DSG2: variants seen among roughly 807,000 people sequenced by gnomAD.
DSG2 encodes desmoglein 2, also known as desmoglein-2.
Under a neutral mutation model 75.6 loss-of-function variants are expected in DSG2, and 45 were observed. The observed-to-expected ratio is 0.60, with a 90% CI of 0.47 to 0.76. DSG2 has a LOEUF of 0.76. Among genes scored for constraint, DSG2 ranks in the 30% least tolerant of loss-of-function variants. The pLI is 0.00. For synonymous variants in DSG2, 429 were observed against 483.9 expected, an observed-to-expected ratio of 0.89 and a Z score of 1.49; for missense variants, 1,267 against 1,357.4, an observed-to-expected ratio of 0.93 and a Z score of 1.05.
intron 13 of DSG2, among the ~76,000 whole-genome samples, chr18:31,541,978 G>A (rs1378311676): frequency 1.4e-5 from 2 of 144,064 alleles, no homozygotes; most frequent in Non-Finnish European, 2.9e-5. Flanking sequence ...CTGTCCTCAT[G>A]TCCTAGTTCT....
At chr18:31,545,533 A>AT (rs1292498270) in intron 14 of DSG2, among the ~76,000 whole-genome samples, 188 bp from the exon 15 acceptor site, 1 of 151,772 alleles carries the variant, frequency 6.6e-6, no homozygotes, top group South Asian at 2.1e-4. Flanking sequence ...CCTGATATTA[A>AT]TTTTTTTTAA....
At chr18:31,510,194 T>C (rs1289416187) in intron 1 of DSG2, among the ~76,000 whole-genome samples, 1 of 152,228 alleles carries the variant, frequency 6.6e-6, no homozygotes, top group African/African-American at 2.4e-5. Context: ...AGATAGTCCG[T>C]TGAGCACACT....
At chr18:31,511,728 T>C (rs2073068186) in intron 1 of DSG2, among the ~76,000 whole-genome samples, 1 of 152,226 alleles carries the variant, frequency 6.6e-6, no homozygotes, top group African/African-American at 2.4e-5. Context: ...CATCAATTCT[T>C]CTGATGTTTT....
At position 31,538,820 on chromosome 18, in the gene DSG2, A is replaced by G. The variant is rs770709620; in HGVS notation, c.1721A>G (p.Asp574Gly). ...GRSEIQFLIS[D>G]NQGFSCPEKQ... The stretch of plus-strand genomic sequence containing the variant: ...AGTGAAATTCAGTTCCTGATTTCAG[A>G]CAATCAGGGTTTTAGTTGTCCTGAA... Residue 574 changes from aspartate to glycine, a missense_variant, in exon 12 of 15, where the codon GAC (aspartate) becomes GGC (glycine). Asp to Gly is a moderately conservative substitution (Grantham distance 94). Transcript: ENST00000261590. 1 of 1,614,224 alleles carries G rather than the reference A, an allele frequency of 6.2e-7. No homozygotes were observed. The highest frequency in any genetic ancestry group is 2.2e-5 in the East Asian group (1 of 44,884).
chr18:31,538,494 T>C (rs964227126), intron 11 of DSG2, among the ~76,000 whole-genome samples: 1 of 152,174 alleles, frequency 6.6e-6, no homozygotes, highest in Non-Finnish European at 1.5e-5. Context: ...AGTTCCTAGC[T>C]TTCCTAGACC....
chr18:31,507,034 C>T (rs955034903), intron 1 of DSG2, among the ~76,000 whole-genome samples: 1 of 152,074 alleles, frequency 6.6e-6, no homozygotes, highest in African/African-American at 2.4e-5. Context: ...CCCATCAACT[C>T]GTCATCTGTA....
At chr18:31,517,543 T>C (rs942037155) in intron 1 of DSG2, among the ~76,000 whole-genome samples, 1 of 152,224 alleles carries the variant, frequency 6.6e-6, no homozygotes, top group Non-Finnish European at 1.5e-5. Context: ...AATTATCACA[T>C]GTATTCCAAA....
At position 31,538,954 on chromosome 18, in the gene DSG2, A is replaced by C; in HGVS notation, c.1855A>C (p.Ile619Leu). The change falls in exon 12 of 15, where the codon ATT becomes CTT. Residue 619 changes from isoleucine (I) to leucine (L), a missense_variant. By Grantham distance (5) the Ile-to-Leu change is conservative. Coordinates refer to ENST00000261590, the MANE Select transcript of DSG2 (RefSeq NM_001943.5). ...GGGACCCGCAGCAATTGCGCTCATGATTTTGGCCTTTCTGCTCCTGCTATG... is the reference window on the plus strand; with the variant it reads ...GGGACCCGCAGCAATTGCGCTCATGCTTTTGGCCTTTCTGCTCCTGCTATG... ...GLGPAAIALM[I>L]LAFLLLLLVP... The C allele has an allele frequency of 6.2e-7, 1 of 1,613,804 alleles. No individual in the cohort carries two copies. Among genetic ancestry groups the C allele is most frequent in the South Asian group, 1.1e-5 (1 of 91,080 alleles).
chr18:31,538,092 G>A (rs769470890), intron 11 of DSG2, among the ~76,000 whole-genome samples: 19 of 151,294 alleles, frequency 1.3e-4, no homozygotes, highest in Non-Finnish European at 2.4e-4. Context: ...AACTTACCTT[G>A]AAATAGTTAA....
At chr18:31,520,031 A>G in intron 3 of DSG2, 94 bp downstream of exon 3, 1 of 1,490,420 alleles carries the variant, frequency 6.7e-7, no homozygotes, top group Non-Finnish European at 9.3e-7. Context: ...AGGAAAATGT[A>G]TGATGTGCTT....
chr18:31,530,324 G>A (rs2073187190), intron 8 of DSG2, among the ~76,000 whole-genome samples: 1 of 151,954 alleles, frequency 6.6e-6, no homozygotes, highest in Non-Finnish European at 1.5e-5. Context: ...CACATTTTAA[G>A]GAATACTGAT....
chr18:31,543,864 TAAAA>T (rs576034927), intron 14 of DSG2, among the ~76,000 whole-genome samples: 1 of 94,854 alleles, frequency 1.1e-5, no homozygotes, highest in Admixed American at 1.1e-4. Context: ...AAACTCTGTC[TAAAA>T]AAAAAAAAAA....
chr18:31,526,133 G>A (rs190595668), intron 8 of DSG2, among the ~76,000 whole-genome samples: 326 of 152,278 alleles, frequency 2.1e-3, no homozygotes, highest in Non-Finnish European at 3.5e-3. Context: ...AATAGAGTGA[G>A]ATTCCGTCTC....
At chr18:31,511,638 T>C (rs1300516920) in intron 1 of DSG2, among the ~76,000 whole-genome samples, 2 of 152,226 alleles carry the variant, frequency 1.3e-5, no homozygotes, top group African/African-American at 4.8e-5. Context: ...AAAAGCATGC[T>C]ACTGCAATAC....
At chr18:31,510,408 C>A (rs1344013898) in intron 1 of DSG2, among the ~76,000 whole-genome samples, 1 of 152,196 alleles carries the variant, frequency 6.6e-6, no homozygotes, top group East Asian at 1.9e-4. Context: ...AAAGGAAAGA[C>A]TTCTGACAGA....
chr18:31,523,328 G>C (rs1426348820), intron 6 of DSG2, among the ~76,000 whole-genome samples: 3 of 152,100 alleles, frequency 2.0e-5, no homozygotes, highest in Non-Finnish European at 4.4e-5. Context: ...GTGAACCCAG[G>C]GGACAGAGCT....
intron 1 of DSG2, among the ~76,000 whole-genome samples, chr18:31,506,939 T>A (rs1195137236): frequency 1.3e-5 from 2 of 152,154 alleles, no homozygotes; most frequent in Non-Finnish European, 2.9e-5. Flanking sequence ...TCTTTTTTTT[T>A]AATTATACTT....
In DSG2 at chr18:31,515,089, G is replaced by C. The variant is rs527273311; in HGVS notation, c.46-3150G>C. Among the ~76,000 whole-genome samples, 122 of 152,226 alleles carry C rather than the reference G, an allele frequency of 8.0e-4. 1 individual carries two copies. The highest frequency in any genetic ancestry group is 2.7e-3 in the African/African-American group (112 of 41,542). ...GTCTGATGGTTAGAAGGATGGGCAAGAAATATATTAAATTTTTTTGTTTGT... is the reference window on the plus strand; with the variant it reads ...GTCTGATGGTTAGAAGGATGGGCAACAAATATATTAAATTTTTTTGTTTGT... On this transcript the variant is annotated intron_variant, in intron 1 of 14. Coordinates refer to ENST00000261590, the MANE Select transcript of DSG2 (RefSeq NM_001943.5).
chr18:31,519,951 A>G lies in DSG2; in HGVS notation c.216+14A>G. ...CCAATTGCCAAGGTACCTCCTAAAG[A>G]GGAACATGAAATACATGCATATGAC... is the stretch of plus-strand genomic sequence containing the variant. On this transcript the variant is annotated intron_variant, in intron 3 of 14. Coordinates refer to ENST00000261590, the MANE Select transcript of DSG2 (RefSeq NM_001943.5). 1 of 1,614,176 alleles carries G rather than the reference A, an allele frequency of 6.2e-7. No homozygotes were observed. The highest frequency in any genetic ancestry group is 8.5e-7 in the Non-Finnish European group (1 of 1,180,006).
Sources: allele counts gnomAD v4.1 joint callset (sites outside exome capture counted in the v4.1 genomes callset), GRCh38; gene constraint gnomAD v4.1.1; transcripts MANE v1.5; gene names NCBI Gene and HGNC (gene_info 2026-07-23, HGNC 2026-07-21).